NLRP3: variants seen among roughly 807,000 people sequenced by gnomAD.
NLRP3 encodes NLR family pyrin domain containing 3, also known as NACHT, LRR and PYD domains-containing protein 3.
Under a neutral mutation model 91.3 loss-of-function variants are expected in NLRP3, and 48 were observed. The observed-to-expected ratio is 0.53, with a 90% confidence interval of 0.42 to 0.67. The LOEUF (loss-of-function observed/expected upper bound fraction) is 0.67. NLRP3 is among the 30% of genes least tolerant of loss of function. The pLI is 0.00. For synonymous variants in NLRP3, 561 were observed against 507.9 expected (o/e 1.10, Z -1.41); for missense variants, 982 against 1,276.9 (o/e 0.77, Z 3.52).
intron 6 of NLRP3, among the ~76,000 whole-genome samples, chr1:247,435,538 A>G (rs1384739354): frequency 6.6e-6 from 1 of 152,176 alleles, no homozygotes; most frequent in African/African-American, 2.4e-5. Flanking sequence ...GACAGGAAGA[A>G]ACGTGGTTGC....
In NLRP3 at chr1:247,448,664, C is replaced by CAG. The variant is rs1664760142; in HGVS notation, c.*163_*164dup. 1 of 684,454 alleles carries CAG rather than the reference C, an allele frequency of 1.5e-6. No homozygotes were observed. The highest frequency in any genetic ancestry group is 2.7e-6 in the Non-Finnish European group (1 of 373,204). The allele number at this position is 684,454 out of a possible 1,614,324, so 42.4% of individuals were successfully genotyped here. On this transcript the variant is annotated 3_prime_UTR_variant, in exon 10 of 10. Transcript: ENST00000336119. ...AGCTTGCCGACGATGCCTTCCTGTG[C>CAG]AGAGCTTGGGCATCTCCTTTACGCC...
chr1:247,429,884 CT>C, intron 5 of NLRP3, 129 bp downstream of exon 5: 10 of 1,257,058 alleles, frequency 8.0e-6, no homozygotes, highest in Non-Finnish European at 1.0e-5. Flanking sequence ...TTCTTTTTTT[CT>C]TTTTTTGAGG....
chr1:247,424,379 C>T lies in NLRP3; in HGVS notation c.930C>T (p.Asp310=), dbSNP rs143840033. 1,246 of 1,614,030 alleles carry T rather than the reference C, an allele frequency of 7.7e-4. 4 individuals carry two copies. The highest frequency in any genetic ancestry group is 4.9e-3 in the Middle Eastern group (30 of 6,062). ...DGFDELQGAF[D]EHIGPLCTDW... is the part of the protein sequence containing the mutation. The stretch of plus-strand genomic sequence containing the variant: ...TCGATGAGCTGCAAGGTGCCTTTGA[C>T]GAGCACATAGGACCGCTCTGCACTG... The change falls in exon 4 of 10, where the codon GAC becomes GAT. Residue 310 remains aspartate, a synonymous_variant. Transcript: ENST00000336119. The surrounding 1 kb of genome is among the most constrained non-coding windows in gnomAD (Gnocchi z 8.1).
Position 247,425,866 on chromosome 1 carries a change from G to A in NLRP3, c.2150+267G>A. 1 of 486,740 alleles carries A rather than the reference G, an allele frequency of 2.1e-6. No individual in the cohort carries two copies. The highest frequency in any genetic ancestry group is 2.1e-5 in the South Asian group (1 of 46,700). The allele number at this position is 486,740 out of a possible 1,614,324, so 30.2% of individuals were successfully genotyped here. The stretch of plus-strand genomic sequence containing the variant: ...GCACAAGGTATTAAGTAGGATGTAG[G>A]ATTGCCTACAAATATTTGTCAACTG... On this transcript the variant is annotated intron_variant, in intron 4 of 9. Coordinates refer to ENST00000336119, the MANE Select transcript of NLRP3 (RefSeq NM_001243133.2). The surrounding 1 kb of genome is among the most constrained non-coding windows in gnomAD (Gnocchi z 4.1).
At chr1:247,434,341 A>T (rs1663629212) in intron 6 of NLRP3, 68 bp downstream of exon 6, 2 of 1,536,380 alleles carry the variant, frequency 1.3e-6, no homozygotes, top group South Asian at 2.3e-5. Context: ...GGCTTCAGTG[A>T]GGCCCGGTGG....
chr1:247,441,145 T>TTC (rs1205346953), intron 7 of NLRP3, among the ~76,000 whole-genome samples: 4 of 128,234 alleles, frequency 3.1e-5, no homozygotes, highest in Admixed American at 7.6e-5. Context: ...CTTTCTTTCT[T>TTC]TCTCTCTCTC....
rs758069883 is a variant in NLRP3 at position 247,423,327 on chromosome 1, C to A, written c.375C>A (p.Ile125=). The A allele has an allele frequency of 6.3e-7, 1 of 1,589,906 alleles. No individual in the cohort carries two copies. The highest frequency in any genetic ancestry group is 8.6e-7 in the Non-Finnish European group (1 of 1,161,738). The change falls in exon 3 of 10, where the codon ATC becomes ATA. Residue 125 remains isoleucine (I), a synonymous_variant. Coordinates refer to ENST00000336119, the MANE Select transcript of NLRP3 (RefSeq NM_001243133.2). ...GTTTACTGGAGTACCTTTCGAGAATCTCTATTTGTAAAATGAAGAAAGGTA... is the reference window on the plus strand; with the variant it reads ...GTTTACTGGAGTACCTTTCGAGAATATCTATTTGTAAAATGAAGAAAGGTA... The part of the protein sequence containing the change: ...WMGLLEYLSR[I]SICKMKKDYR...
chr1:247,430,805 C>G (rs1271500412), intron 5 of NLRP3, among the ~76,000 whole-genome samples: 1 of 151,234 alleles, frequency 6.6e-6, no homozygotes, highest in Non-Finnish European at 1.5e-5. Flanking sequence ...CAGGACCTCT[C>G]TCTGTCACCC....
chr1:247,417,266 C>T (rs4925648), intron 1 of NLRP3, among the ~76,000 whole-genome samples: 18,506 of 152,082 alleles, frequency 0.12, 1,194 homozygotes, highest in East Asian at 0.23. Context: ...AACCCCTCGG[C>T]AGGCTTCCTA....
intron 2 of NLRP3, among the ~76,000 whole-genome samples, chr1:247,420,774 G>T (rs1341964822): frequency 6.6e-6 from 1 of 152,024 alleles, no homozygotes; most frequent in Non-Finnish European, 1.5e-5. Context: ...CCCTCTCACG[G>T]TAGTGCTATG....
chr1:247,423,326 T>C lies in NLRP3; in HGVS notation c.374T>C (p.Ile125Thr). The stretch of plus-strand genomic sequence containing the variant: ...GGTTTACTGGAGTACCTTTCGAGAA[T>C]CTCTATTTGTAAAATGAAGAAAGGT... ...WMGLLEYLSRISICKMKKDYR... is the reference protein window; with the variant it reads ...WMGLLEYLSRTSICKMKKDYR... The change falls in exon 3 of 10, where the codon ATC (isoleucine) becomes ACC (threonine). Residue 125 changes from isoleucine (I) to threonine (T), a missense_variant. Physicochemically the swap from Ile to Thr is moderately conservative, Grantham distance 89. Around this residue, in one of 5 missense-constraint regions of NLRP3, gnomAD observed 548 missense variants for 713.7 expected, o/e 0.77. Coordinates refer to ENST00000336119, the MANE Select transcript of NLRP3 (RefSeq NM_001243133.2). 6.2e-7 allele frequency: 1 copy of C among 1,612,244 alleles called. No homozygotes were observed. Among genetic ancestry groups the C allele is most frequent in the Non-Finnish European group, 8.5e-7 (1 of 1,178,682 alleles).
intron 5 of NLRP3, among the ~76,000 whole-genome samples, chr1:247,430,624 A>G (rs1328503901): frequency 6.6e-6 from 1 of 152,126 alleles, no homozygotes; most frequent in Non-Finnish European, 1.5e-5. Context: ...TGTGGGGAAG[A>G]ATGAATGAGG....
chr1:247,446,501 TCTC>T (rs1158201726), intron 9 of NLRP3, among the ~76,000 whole-genome samples: 1 of 152,200 alleles, frequency 6.6e-6, no homozygotes, highest in Non-Finnish European at 1.5e-5. Context: ...AGTACAGTGA[TCTC>T]CTTGCTGTTT....
chr1:247,445,053 C>A (rs1349772182), intron 9 of NLRP3, among the ~76,000 whole-genome samples: 1 of 152,146 alleles, frequency 6.6e-6, no homozygotes, highest in Non-Finnish European at 1.5e-5. Flanking sequence ...CACCCACATT[C>A]CCCAAAGAAA....
intron 2 of NLRP3, among the ~76,000 whole-genome samples, 171 bp downstream of exon 2, chr1:247,419,248 G>A (rs1201199382): frequency 8.6e-5 from 13 of 151,524 alleles, no homozygotes; most frequent in Middle Eastern, 3.4e-3. Flanking sequence ...TCCACCTCCC[G>A]GGTTCAAGCG....
intron 5 of NLRP3, among the ~76,000 whole-genome samples, chr1:247,432,961 C>T (rs1326494054): frequency 1.3e-5 from 2 of 151,910 alleles, no homozygotes; most frequent in East Asian, 3.9e-4. Context: ...GGCAGATCAC[C>T]TGAGCCCAGG....
At chr1:247,436,859 C>G (rs896686056) in intron 7 of NLRP3, among the ~76,000 whole-genome samples, 4 of 152,220 alleles carry the variant, frequency 2.6e-5, no homozygotes, top group East Asian at 1.9e-4. Flanking sequence ...GTACCACTTT[C>G]CTGTATCACT....
In NLRP3 at chr1:247,425,898, C is replaced by T; in HGVS notation, c.2150+299C>T. 1 of 415,280 alleles carries T rather than the reference C, an allele frequency of 2.4e-6. No homozygotes were observed. Among genetic ancestry groups the T allele is most frequent in the African/African-American group, 2.0e-5 (1 of 49,328 alleles). The allele number at this position is 415,280 out of a possible 1,614,324, so 25.7% of individuals were successfully genotyped here. On this transcript the variant is annotated intron_variant, in intron 4 of 9. Coordinates refer to ENST00000336119, the MANE Select transcript of NLRP3 (RefSeq NM_001243133.2). This position sits in a 1 kb window ranked among gnomAD's most constrained non-coding sequence, Gnocchi z 4.1. ...TACAAATATTTGTCAACTGAAATTTCTTGTAAGCTACTTGGAGCACTAGTG... is the reference window on the plus strand; with the variant it reads ...TACAAATATTTGTCAACTGAAATTTTTTGTAAGCTACTTGGAGCACTAGTG...
chr1:247,442,476 C>T (rs1451391295), intron 7 of NLRP3, among the ~76,000 whole-genome samples: 2 of 152,088 alleles, frequency 1.3e-5, no homozygotes, highest in Non-Finnish European at 2.9e-5. Context: ...CTTAATTTGA[C>T]TCAAGAATAG....
Sources: allele counts gnomAD v4.1 joint callset (sites outside exome capture counted in the v4.1 genomes callset), GRCh38; gene constraint gnomAD v4.1.1; regional missense constraint gnomAD v4.1.1; non-coding constraint Gnocchi (gnomAD v3.1); transcripts MANE v1.5; gene names NCBI Gene and HGNC (gene_info 2026-07-23, HGNC 2026-07-21).